Variants in ZNF385B observed in about 807,000 individuals in gnomAD.
ZNF385B encodes the protein zinc finger protein 385B.
A neutral mutation model predicts 39.2 loss-of-function variants in ZNF385B; 23 were observed. The ratio of observed to expected loss-of-function variants is 0.59; its 90% CI spans 0.42 to 0.83. ZNF385B has a LOEUF of 0.83. ZNF385B is among the 40% of genes least tolerant of loss of function. The probability of loss-of-function intolerance (pLI) is 0.00; values close to 1 mark genes in which losing one functional copy is unlikely to be tolerated. For missense variants in ZNF385B, 552 were observed against 598.9 expected (o/e 0.92, Z 0.82); for synonymous variants, 205 against 222.6 (o/e 0.92, Z 0.70).
At chr2:179,592,739 C>T (rs372357917) in intron 3 of ZNF385B, among the ~76,000 whole-genome samples, 16 of 152,072 alleles carry the variant, frequency 1.1e-4, no homozygotes, top group African/African-American at 2.9e-4. Context: ...AAAAATTAAA[C>T]GGAAGTATGT....
chr2:179,570,556 T>C (rs1685095328), intron 3 of ZNF385B, among the ~76,000 whole-genome samples: 1 of 152,206 alleles, frequency 6.6e-6, no homozygotes, highest in African/African-American at 2.4e-5. Flanking sequence ...GAAGGACACT[T>C]ATACAATGCT....
At chr2:179,512,187 A>G (rs2057737363) in intron 5 of ZNF385B, among the ~76,000 whole-genome samples, 1 of 152,132 alleles carries the variant, frequency 6.6e-6, no homozygotes, top group Non-Finnish European at 1.5e-5. Flanking sequence ...ATAAGGCATA[A>G]AAGACTCAGA....
At chr2:179,554,034 A>T (rs1177455514) in intron 3 of ZNF385B, among the ~76,000 whole-genome samples, 2 of 148,956 alleles carry the variant, frequency 1.3e-5, no homozygotes, top group African/African-American at 2.5e-5. Flanking sequence ...TCTTTTCTAT[A>T]ATTAAGAAAA....
At position 179,665,705 on chromosome 2, in the gene ZNF385B, C is replaced by T. The variant is rs190333739; in HGVS notation, c.298+103798G>A. ...TGCCACCAGACAGAGCACCAGCTCC[C>T]TTCCTACACTGGATAGCAGACGTTC... is the stretch of plus-strand genomic sequence containing the variant. On this transcript the variant is annotated intron_variant, in intron 3 of 9. Coordinates refer to ENST00000410066, the MANE Select transcript of ZNF385B (RefSeq NM_152520.6). Among the ~76,000 whole-genome samples the T allele has an allele frequency of 5.0e-3, 759 of 152,310 alleles. 4 individuals are homozygous for T. Among genetic ancestry groups the T allele is most frequent in the African/African-American group, 0.017 (698 of 41,558 alleles).
chr2:179,528,997 T>G (rs557032747), intron 4 of ZNF385B, among the ~76,000 whole-genome samples: 1 of 152,352 alleles, frequency 6.6e-6, no homozygotes, highest in East Asian at 1.9e-4. Flanking sequence ...AGTTTATTTC[T>G]GAAATGGGTA....
At chr2:179,635,211 A>T (rs1172515005) in intron 3 of ZNF385B, among the ~76,000 whole-genome samples, 2 of 152,074 alleles carry the variant, frequency 1.3e-5, no homozygotes, top group Admixed American at 6.6e-5. Flanking sequence ...GCCATAAAAA[A>T]GTACGAGTTC....
At chr2:179,748,148 A>C (rs1002433715) in intron 3 of ZNF385B, among the ~76,000 whole-genome samples, 7 of 152,080 alleles carry the variant, frequency 4.6e-5, no homozygotes, top group Admixed American at 4.6e-4. Flanking sequence ...GGATGGGCAA[A>C]AATATGAGGG....
intron 3 of ZNF385B, among the ~76,000 whole-genome samples, chr2:179,705,417 T>C (rs1021911564): frequency 2.0e-5 from 3 of 152,242 alleles, no homozygotes; most frequent in Non-Finnish European, 4.4e-5. Context: ...GTTCACCATC[T>C]TTCTCACCAC....
intron 3 of ZNF385B, among the ~76,000 whole-genome samples, chr2:179,756,530 T>C (rs557121767): frequency 3.9e-5 from 6 of 152,328 alleles, no homozygotes; most frequent in Admixed American, 2.6e-4. Flanking sequence ...TGGCCTGCCT[T>C]GCTAGGTTGG....
intron 1 of ZNF385B, among the ~76,000 whole-genome samples, chr2:179,833,167 T>C (rs12053553): frequency 0.068 from 10,313 of 152,224 alleles, 578 homozygotes; most frequent in Admixed American, 0.17. Flanking sequence ...GGTTATAATT[T>C]TATTTAGGCA....
intron 3 of ZNF385B, among the ~76,000 whole-genome samples, chr2:179,592,427 C>T (rs557732339): frequency 2.0e-5 from 3 of 152,222 alleles, no homozygotes; most frequent in South Asian, 2.1e-4. Flanking sequence ...GTACTATTTT[C>T]GTAGAAGGCT....
chr2:179,684,700 G>A lies in ZNF385B; in HGVS notation c.298+84803C>T, dbSNP rs564418309. On this transcript the variant is annotated intron_variant, in intron 3 of 9. Coordinates refer to ENST00000410066, the MANE Select transcript of ZNF385B (RefSeq NM_152520.6). ...AATATTCCTAACATCGTGACATACC[G>A]AATCACACTTCCAACGTTCACTGGG... Among the ~76,000 whole-genome samples, 146 of 152,192 alleles carry A rather than the reference G, an allele frequency of 9.6e-4. 1 individual carries two copies. The highest frequency in any genetic ancestry group is 3.2e-3 in the African/African-American group (134 of 41,514).
At chr2:179,691,306 G>A (rs528929912) in intron 3 of ZNF385B, among the ~76,000 whole-genome samples, 81 of 152,106 alleles carry the variant, frequency 5.3e-4, no homozygotes, top group Middle Eastern at 3.4e-3. Flanking sequence ...GAACATTCTT[G>A]AGAAGTTCAC....
At chr2:179,715,389 T>A (rs17772086) in intron 3 of ZNF385B, among the ~76,000 whole-genome samples, 17,753 of 152,210 alleles carry the variant, frequency 0.12, 1,257 homozygotes, top group Non-Finnish European at 0.16. Context: ...AGATGTCATA[T>A]ACAGAGTAAA....
rs1461992356 is a variant in ZNF385B at position 179,641,544 on chromosome 2, GA to G, written c.299-96576del. Among the ~76,000 whole-genome samples the G allele has an allele frequency of 1.9e-4, 29 of 152,102 alleles. No individual in the cohort carries two copies. In the East Asian group the frequency reaches 5.6e-3, roughly 29 times the overall value. On this transcript the variant is annotated intron_variant, in intron 3 of 9. Coordinates refer to ENST00000410066, the MANE Select transcript of ZNF385B (RefSeq NM_152520.6). ...TTCTTGAAGCAGAAATGGACTCTTG[GA>G]AATTACCATTTTATAAATATAAAAT...
chr2:179,803,997 T>C (rs557619543), intron 1 of ZNF385B, among the ~76,000 whole-genome samples: 9 of 152,262 alleles, frequency 5.9e-5, no homozygotes, highest in African/African-American at 2.2e-4. Context: ...GGGTTCAAGA[T>C]CGGAAGGTCA....
Position 179,700,325 on chromosome 2 carries a change from G to A in ZNF385B, c.298+69178C>T, listed in dbSNP as rs551150483. Among the ~76,000 whole-genome samples, 803 of 152,144 alleles carry A rather than the reference G, an allele frequency of 5.3e-3. 6 individuals carry two copies. Among genetic ancestry groups the A allele is most frequent in the Non-Finnish European group, 7.5e-3 (507 of 68,002 alleles). ...TATTCCACTGGATCCACATTCCATCGCTCGTATGGTATGGAATCCTTTCCA... is the reference window on the plus strand; with the variant it reads ...TATTCCACTGGATCCACATTCCATCACTCGTATGGTATGGAATCCTTTCCA... On this transcript the variant is annotated intron_variant, in intron 3 of 9. Coordinates refer to ENST00000410066, the MANE Select transcript of ZNF385B (RefSeq NM_152520.6).
rs545953018 is a variant in ZNF385B, at chr2:179,830,281, T to C, written c.-155+30820A>G. Among the ~76,000 whole-genome samples the C allele has an allele frequency of 1.2e-3, 190 of 152,356 alleles. 5 individuals are homozygous for C. In the South Asian group the frequency reaches 0.033, roughly 26 times the overall value. Reference sequence around the variant, plus strand: ...ATACTCTCATTCATTGCTGTGGAGATGCAAAATGGTTCAGGCACTTTGAAA... The same window carrying C: ...ATACTCTCATTCATTGCTGTGGAGACGCAAAATGGTTCAGGCACTTTGAAA... On this transcript the variant is annotated intron_variant, in intron 1 of 9. Coordinates refer to ENST00000410066, the MANE Select transcript of ZNF385B (RefSeq NM_152520.6).
intron 1 of ZNF385B, among the ~76,000 whole-genome samples, chr2:179,824,939 C>T (rs1395982632): frequency 6.6e-6 from 1 of 151,438 alleles, no homozygotes; most frequent in Admixed American, 6.6e-5. Flanking sequence ...AAGGGAAGTA[C>T]CTAATCAAAT....
Sources: gnomAD v4.1 joint callset for allele counts (sites outside exome capture counted in the v4.1 genomes callset) on GRCh38, gnomAD v4.1.1 for gene constraint, MANE v1.5 for transcripts, NCBI Gene and HGNC (gene_info 2026-07-23, HGNC 2026-07-21) for gene names.